The following SLX4IP variants were observed in gnomAD, a reference collection of about 807,000 sequenced individuals.
The protein encoded by SLX4IP is SLX4 interacting protein.
A neutral mutation model predicts 32.9 loss-of-function variants in SLX4IP; 34 were observed. That is an observed-to-expected ratio of 1.03 (90% CI 0.79 to 1.38). The LOEUF is 1.38. Among genes scored for constraint, SLX4IP ranks in the 40% most tolerant of loss-of-function variants. SLX4IP has a pLI of 0.00. For synonymous variants in SLX4IP, 172 were observed against 171.7 expected (o/e 1.00, Z -0.01); for missense variants, 444 against 479.0 (o/e 0.93, Z 0.68).
chr20:10,556,350 C>CA (rs769242897), intron 3 of SLX4IP, 30 bp downstream of exon 3: 1 of 1,574,870 alleles, frequency 6.3e-7, no homozygotes, highest in South Asian at 1.1e-5. Context: ...TATTTAATTG[C>CA]AAGTAGCTGC....
intron 2 of SLX4IP, among the ~76,000 whole-genome samples, chr20:10,487,033 T>G (rs1173762170): frequency 6.6e-6 from 1 of 152,184 alleles, no homozygotes; most frequent in Non-Finnish European, 1.5e-5. Context: ...TCTCACTCAG[T>G]AAACAGAGGT....
chr20:10,523,111 A>G (rs2065913020), intron 2 of SLX4IP, among the ~76,000 whole-genome samples: 1 of 152,158 alleles, frequency 6.6e-6, no homozygotes. Context: ...GTTCCTCTGT[A>G]GCAGACCTCT....
At chr20:10,445,481 A>G (rs1274402241) in intron 1 of SLX4IP, among the ~76,000 whole-genome samples, 2 of 150,808 alleles carry the variant, frequency 1.3e-5, no homozygotes, top group Non-Finnish European at 3.0e-5. Flanking sequence ...ACGCCTGGCT[A>G]ATTTTTTTAA....
rs2067174003 is a variant in SLX4IP at position 10,626,320 on chromosome 20, A to G, written c.*2941A>G. On this transcript the variant is annotated 3_prime_UTR_variant, in exon 8 of 8. Coordinates refer to ENST00000334534, the MANE Select transcript of SLX4IP (RefSeq NM_001009608.3). The stretch of plus-strand genomic sequence containing the variant: ...AGTGCTGGGATTACAGGTGAGAGCC[A>G]CCGCACCCGGCCTGTTTTGACATTC... The G allele has an allele frequency of 6.9e-6, 1 of 144,372 alleles. No individual in the cohort carries two copies. 8.9% of individuals were successfully genotyped at this position (144,372 alleles called of 1,614,324 possible).
chr20:10,473,606 C>T (rs2065445675), intron 2 of SLX4IP, among the ~76,000 whole-genome samples: 1 of 136,004 alleles, frequency 7.4e-6, no homozygotes. Context: ...AGTTCTGTTT[C>T]TTTTTTTTTT....
At chr20:10,573,190 GA>G (rs765264177) in intron 4 of SLX4IP, among the ~76,000 whole-genome samples, 1 of 152,294 alleles carries the variant, frequency 6.6e-6, no homozygotes, top group Non-Finnish European at 1.5e-5. Context: ...CCAGCCCTTT[GA>G]AAACAGGGCC....
rs36028561 is a variant in SLX4IP, at chr20:10,558,341, CAA to C, written c.117+2041_117+2042del. ...TGGGTGGCAGAGTGAGACCCTGTCT[CAA>C]AAAAAAAAAAAAAAAAAAACAATTC... On this transcript the variant is annotated intron_variant, in intron 3 of 7. Transcript: ENST00000334534. Among the ~76,000 whole-genome samples, 194 of 79,502 alleles carry C rather than the reference CAA, an allele frequency of 2.4e-3. 1 individual carries two copies. In the South Asian group the frequency reaches 0.03, roughly 12 times the overall value. The allele number at this position is 79,502 out of a possible 152,430, so 52.2% of individuals were successfully genotyped here.
intron 2 of SLX4IP, among the ~76,000 whole-genome samples, chr20:10,554,989 G>T (rs2066252811): frequency 6.6e-6 from 1 of 151,492 alleles, no homozygotes; most frequent in Non-Finnish European, 1.5e-5. Flanking sequence ...TCAATATTTG[G>T]TGCTTTCTGG....
At chr20:10,471,796 G>A (rs2065427002) in intron 2 of SLX4IP, among the ~76,000 whole-genome samples, 1 of 152,138 alleles carries the variant, frequency 6.6e-6, no homozygotes, top group African/African-American at 2.4e-5. Flanking sequence ...TTTGGTTACT[G>A]ACCAGGCTAC....
chr20:10,580,296 CG>C, intron 4 of SLX4IP, among the ~76,000 whole-genome samples: 1 of 152,140 alleles, frequency 6.6e-6, no homozygotes, highest in East Asian at 1.9e-4. Flanking sequence ...GAACTCTAGG[CG>C]TCAGTCTACC....
intron 2 of SLX4IP, among the ~76,000 whole-genome samples, chr20:10,490,399 C>A (rs576654554): frequency 1.3e-5 from 2 of 152,058 alleles, no homozygotes; most frequent in Non-Finnish European, 2.9e-5. Context: ...TAATTTGGGT[C>A]CGTGTGTCTT....
intron 2 of SLX4IP, among the ~76,000 whole-genome samples, chr20:10,475,216 T>C (rs1379288695): frequency 6.6e-6 from 1 of 152,210 alleles, no homozygotes; most frequent in Non-Finnish European, 1.5e-5. Context: ...TGTATTGAGG[T>C]CATGCATAGA....
intron 6 of SLX4IP, among the ~76,000 whole-genome samples, chr20:10,617,367 C>T (rs1223989089): frequency 6.6e-6 from 1 of 152,170 alleles, no homozygotes; most frequent in Non-Finnish European, 1.5e-5. Context: ...CCCTCTGTGC[C>T]TCTGATGCAG....
At chr20:10,598,507 G>A (rs1305074657) in intron 4 of SLX4IP, among the ~76,000 whole-genome samples, 168 bp from the exon 5 acceptor site, 3 of 152,160 alleles carry the variant, frequency 2.0e-5, no homozygotes, top group Non-Finnish European at 4.4e-5. Context: ...CAAGTGATCC[G>A]CCTGCCTCGG....
chr20:10,557,029 CTG>C (rs2066273750), intron 3 of SLX4IP, among the ~76,000 whole-genome samples: 2 of 152,246 alleles, frequency 1.3e-5, no homozygotes, highest in Admixed American at 1.3e-4. Flanking sequence ...GCCTCCTTCT[CTG>C]ATCCCTGCTC....
At chr20:10,485,290 C>T (rs1304122888) in intron 2 of SLX4IP, among the ~76,000 whole-genome samples, 1 of 152,056 alleles carries the variant, frequency 6.6e-6, no homozygotes. Flanking sequence ...CTGACTCTCT[C>T]TATGCAGTTG....
intron 4 of SLX4IP, among the ~76,000 whole-genome samples, chr20:10,589,260 A>G (rs922074678): frequency 6.6e-6 from 1 of 152,214 alleles, no homozygotes; most frequent in Non-Finnish European, 1.5e-5. Context: ...GAGATTTACC[A>G]TGTCAAATGT....
intron 4 of SLX4IP, among the ~76,000 whole-genome samples, chr20:10,583,573 C>T (rs2066610220): frequency 6.6e-6 from 1 of 152,122 alleles, no homozygotes; most frequent in Non-Finnish European, 1.5e-5. Context: ...CTCTTCCAGC[C>T]CCTTGTATTT....
At chr20:10,455,579 TTTTATTTATTTATTTATTTA>T (rs142542742) in intron 1 of SLX4IP, among the ~76,000 whole-genome samples, 73,456 of 144,906 alleles carry the variant, frequency 0.51, 19,723 homozygotes, top group Non-Finnish European at 0.61. Flanking sequence ...CCTGTATGTC[TTTTATTTATTTATTTATTTA>T]TTTATTTATT....
Sources: gnomAD v4.1 joint callset for allele counts (sites outside exome capture counted in the v4.1 genomes callset) on GRCh38, gnomAD v4.1.1 for gene constraint, MANE v1.5 for transcripts, NCBI Gene and HGNC (gene_info 2026-07-23, HGNC 2026-07-21) for gene names.